COL4A5: variants seen among roughly 807,000 people sequenced by gnomAD.
The protein encoded by COL4A5 is collagen type IV alpha 5 chain, also known as collagen alpha-5(IV) chain.
In COL4A5, 26 loss-of-function variants were observed where a neutral mutation model predicts 130.2. That is an observed-to-expected ratio of 0.20 (90% CI 0.15 to 0.28). The LOEUF is 0.28. COL4A5 is among the 10% of genes least tolerant of loss of function. The pLI, the probability that COL4A5 is intolerant of heterozygous loss-of-function variation, is 1.00. For missense variants in COL4A5, 1,131 were observed against 1,344.3 expected (o/e 0.84, Z 2.48); for synonymous variants, 496 against 439.6 (o/e 1.13, Z -1.60).
rs767554975 is a variant in COL4A5, at chrX:108,567,840, C to T, written c.277-789C>T. Among the ~76,000 whole-genome samples, 12 of 111,594 alleles carry T rather than the reference C, an allele frequency of 1.1e-4. No individual in the cohort carries two copies. In the East Asian group the frequency reaches 3.4e-3, roughly 32 times the overall value. On this transcript the variant is annotated intron_variant, in intron 4 of 52. Transcript: ENST00000328300. Reference sequence around the variant, plus strand: ...CCCCCATGATTCAATTATCTCCCACCGGGTCCCTCCCACAACACGTGGGAA... The same window carrying T: ...CCCCCATGATTCAATTATCTCCCACTGGGTCCCTCCCACAACACGTGGGAA...
intron 36 of COL4A5, among the ~76,000 whole-genome samples, chrX:108,648,660 C>A (rs927307871): frequency 1.8e-5 from 2 of 111,404 alleles, no homozygotes; most frequent in African/African-American, 6.5e-5. Context: ...TCTATAGATG[C>A]AGAAAAAAAA....
At chrX:108,669,782 G>A (rs768240285) in intron 41 of COL4A5, among the ~76,000 whole-genome samples, 8 of 112,070 alleles carry the variant, frequency 7.1e-5, no homozygotes, top group Admixed American at 2.8e-4. Flanking sequence ...GAAGCCATTA[G>A]TCACAAAGAT....
intron 36 of COL4A5, among the ~76,000 whole-genome samples, chrX:108,630,723 C>T (rs1182927941): frequency 9.0e-6 from 1 of 111,361 alleles, no homozygotes; most frequent in Admixed American, 9.5e-5. Context: ...GTCATGAAGC[C>T]CTTGCCCATG....
chrX:108,603,184 T>A, intron 28 of COL4A5, 123 bp downstream of exon 28: 1 of 378,617 alleles, frequency 2.6e-6, no homozygotes, highest in Non-Finnish European at 4.6e-6. Context: ...AATATACAGA[T>A]AACTTATTAT....
intron 1 of COL4A5, among the ~76,000 whole-genome samples, chrX:108,499,228 A>G (rs1021686618): frequency 1.6e-4 from 18 of 111,863 alleles, no homozygotes; most frequent in African/African-American, 5.8e-4. Context: ...TTCAATGATC[A>G]TATAATTTTA....
intron 2 of COL4A5, among the ~76,000 whole-genome samples, chrX:108,553,461 G>A (rs865988375): frequency 2.7e-5 from 3 of 111,314 alleles, no homozygotes; most frequent in Non-Finnish European, 5.7e-5. Flanking sequence ...TTAAATAAAA[G>A]CAGATATATA....
chrX:108,546,715 G>T (rs1449509991), intron 2 of COL4A5, among the ~76,000 whole-genome samples: 1 of 111,589 alleles, frequency 9.0e-6, no homozygotes, highest in Admixed American at 9.5e-5. Flanking sequence ...TTCCAACTTG[G>T]TTCCATTCTC....
chrX:108,477,487 A>C (rs1380837186), intron 1 of COL4A5, among the ~76,000 whole-genome samples: 1 of 111,795 alleles, frequency 8.9e-6, no homozygotes, highest in Non-Finnish European at 1.9e-5. Flanking sequence ...TATTAGTACA[A>C]GTGTGTACAT....
At chrX:108,462,397 G>GTTTTATTTTATT (rs1444341296) in intron 1 of COL4A5, 1 of 111,430 alleles carries the variant, frequency 9.0e-6, no homozygotes, top group Non-Finnish European at 1.9e-5. Context: ...CAGTCATAGG[G>GTTTTATTTTATT]TTATTTTATT....
At chrX:108,638,552 C>T (rs1350417136) in intron 36 of COL4A5, among the ~76,000 whole-genome samples, 1 of 111,737 alleles carries the variant, frequency 8.9e-6, no homozygotes, top group African/African-American at 3.2e-5. Flanking sequence ...CAACATAGTA[C>T]TGGAATTCCT....
chrX:108,694,241 C>T (rs1298227069), intron 50 of COL4A5: 1 of 116,669 alleles, frequency 8.6e-6, no homozygotes, highest in East Asian at 2.6e-4. Flanking sequence ...TGCTATCTTA[C>T]TTGATTTTAT....
At chrX:108,476,859 T>G (rs1383864586) in intron 1 of COL4A5, among the ~76,000 whole-genome samples, 1 of 111,855 alleles carries the variant, frequency 8.9e-6, no homozygotes, top group Non-Finnish European at 1.9e-5. Context: ...CTTCCAAATC[T>G]TGGCTCTTGT....
At chrX:108,608,933 T>G (rs2147837756) in intron 29 of COL4A5, among the ~76,000 whole-genome samples, 1 of 111,673 alleles carries the variant, frequency 9.0e-6, no homozygotes. Context: ...TTTCTGAGGC[T>G]TCTTTCACTC....
intron 2 of COL4A5, among the ~76,000 whole-genome samples, chrX:108,547,707 G>A (rs1480342154): frequency 8.9e-6 from 1 of 112,056 alleles, no homozygotes; most frequent in Non-Finnish European, 1.9e-5. Flanking sequence ...GCCCCCAGAG[G>A]TGGAGTCTAC....
chrX:108,607,020 C>T (rs1405541664), intron 29 of COL4A5, 128 bp downstream of exon 29: 2 of 659,001 alleles, frequency 3.0e-6, no homozygotes, highest in East Asian at 6.7e-5. Flanking sequence ...TACTGCTACA[C>T]ATTTTTTTCA....
chrX:108,597,220 A>G (rs980912639), intron 23 of COL4A5, 152 bp downstream of exon 23: 2 of 752,256 alleles, frequency 2.7e-6, no homozygotes, highest in South Asian at 4.8e-5. Flanking sequence ...CCTGACTCAC[A>G]TGCCTCACTT....
At chrX:108,583,060 C>G in intron 17 of COL4A5, 123 bp downstream of exon 17, 1 of 553,383 alleles carries the variant, frequency 1.8e-6, no homozygotes, top group Middle Eastern at 4.0e-4. Context: ...CAAAATATGC[C>G]TTCTTTATTC....
intron 10 of COL4A5, among the ~76,000 whole-genome samples, chrX:108,576,627 A>C (rs188697287): frequency 2.0e-4 from 23 of 112,538 alleles, no homozygotes; most frequent in African/African-American, 6.8e-4. Flanking sequence ...TTAAAAGGGC[A>C]AGAAAATTGT....
chrX:108,650,027 C>A (rs1454074546), intron 36 of COL4A5, among the ~76,000 whole-genome samples: 1 of 110,665 alleles, frequency 9.0e-6, no homozygotes, highest in Non-Finnish European at 1.9e-5. Flanking sequence ...GGACGAATAT[C>A]CAGACTCTAC....
Sources: gnomAD v4.1 joint callset for allele counts (sites outside exome capture counted in the v4.1 genomes callset) on GRCh38, gnomAD v4.1.1 for gene constraint, MANE v1.5 for transcripts, NCBI Gene and HGNC (gene_info 2026-07-23, HGNC 2026-07-21) for gene names.